The following DNER variants were observed in gnomAD, a reference collection of about 807,000 sequenced individuals.
DNER encodes the protein delta/notch like EGF repeat containing.
In DNER, 33 loss-of-function variants were observed where a neutral mutation model predicts 78.2. The ratio of observed to expected loss-of-function variants is 0.42; its 90% CI spans 0.32 to 0.56. The LOEUF is 0.56. Ranked by LOEUF, DNER falls within the 20% of genes least tolerant of loss-of-function variation. The pLI is 0.11. For synonymous variants in DNER, 417 were observed against 384.8 expected (o/e 1.08, Z -0.98); for missense variants, 918 against 975.3 (o/e 0.94, Z 0.78).
At chr2:229,509,253 C>T (rs983258980) in intron 6 of DNER, among the ~76,000 whole-genome samples, 2 of 152,140 alleles carry the variant, frequency 1.3e-5, no homozygotes, top group African/African-American at 4.8e-5. Context: ...CCAAATATAT[C>T]GAAAACCTCC....
intron 10 of DNER, among the ~76,000 whole-genome samples, chr2:229,394,523 G>A (rs1008560537): frequency 1.3e-5 from 2 of 152,234 alleles, no homozygotes; most frequent in African/African-American, 4.8e-5. Context: ...ATGGGTAAAG[G>A]GAATGAAGCG....
At chr2:229,613,632 C>CA (rs142768345) in intron 1 of DNER, among the ~76,000 whole-genome samples, 4,212 of 146,148 alleles carry the variant, frequency 0.029, 79 homozygotes, top group Non-Finnish European at 0.049. Context: ...TCTACATTTC[C>CA]AAAAAAAAAG....
chr2:229,526,459 A>G (rs1402824306), intron 5 of DNER, among the ~76,000 whole-genome samples: 1 of 152,208 alleles, frequency 6.6e-6, no homozygotes, highest in African/African-American at 2.4e-5. Context: ...CTAGAGCAGC[A>G]GTCCCCAACC....
chr2:229,457,041 C>T (rs1044411548), intron 7 of DNER, among the ~76,000 whole-genome samples: 1 of 151,982 alleles, frequency 6.6e-6, no homozygotes, highest in Non-Finnish European at 1.5e-5. Flanking sequence ...AAAATAAACT[C>T]GTCAAACAGA....
chr2:229,593,697 T>C (rs975206362), intron 1 of DNER, among the ~76,000 whole-genome samples: 10 of 152,372 alleles, frequency 6.6e-5, no homozygotes, highest in African/African-American at 2.4e-4. Context: ...AGTTGTTATC[T>C]TGTTTCTGAT....
chr2:229,363,687 A>C (rs1474864180), intron 12 of DNER, among the ~76,000 whole-genome samples: 1 of 152,208 alleles, frequency 6.6e-6, no homozygotes, highest in Non-Finnish European at 1.5e-5. Context: ...AAATGCTTTC[A>C]AGTTTATTCT....
At chr2:229,597,457 G>A (rs1697743551) in intron 1 of DNER, among the ~76,000 whole-genome samples, 1 of 152,178 alleles carries the variant, frequency 6.6e-6, no homozygotes, top group Non-Finnish European at 1.5e-5. Context: ...AAAAGGTCCT[G>A]TTGCAGAGGT....
rs146547943 is a variant in DNER, at chr2:229,698,578, G to A, written c.276+15570C>T. ...TGATTTTTAAAAAGGTGTCAGCATC[G>A]GTTTTTGGCATCACGCTGTTAAGTT... On this transcript the variant is annotated intron_variant, in intron 1 of 12. Coordinates refer to ENST00000341772, the MANE Select transcript of DNER (RefSeq NM_139072.4). Among the ~76,000 whole-genome samples the A allele has an allele frequency of 6.5e-3, 985 of 152,192 alleles. 7 individuals carry two copies. Among genetic ancestry groups the A allele is most frequent in the Middle Eastern group, 0.041 (12 of 294 alleles).
At chr2:229,509,682 TG>T (rs2154212225) in intron 6 of DNER, among the ~76,000 whole-genome samples, 3 of 152,182 alleles carry the variant, frequency 2.0e-5, no homozygotes, top group Non-Finnish European at 2.9e-5. Context: ...GGCATGGTAG[TG>T]GGTGCCTGTA....
At chr2:229,576,209 A>T (rs1697297563) in intron 4 of DNER, among the ~76,000 whole-genome samples, 1 of 152,008 alleles carries the variant, frequency 6.6e-6, no homozygotes, top group Non-Finnish European at 1.5e-5. Context: ...GATGTTAATG[A>T]TTCTATAGAT....
intron 9 of DNER, among the ~76,000 whole-genome samples, chr2:229,409,360 G>C (rs1161936587): frequency 6.6e-6 from 1 of 152,178 alleles, no homozygotes; most frequent in East Asian, 1.9e-4. Context: ...AAAGTTCAGA[G>C]GTGCCTGAAG....
intron 1 of DNER, among the ~76,000 whole-genome samples, chr2:229,594,924 G>A (rs1697678981): frequency 1.5e-5 from 2 of 132,380 alleles, no homozygotes; most frequent in African/African-American, 2.8e-5. Context: ...GACAAGAACT[G>A]TACCAGGTCT....
At position 229,682,306 on chromosome 2, in the gene DNER, A is replaced by G. The variant is rs569265413; in HGVS notation, c.276+31842T>C. 1.1e-4 allele frequency among the ~76,000 whole-genome samples: 16 copies of G among 152,332 alleles called. No individual in the cohort carries two copies. The South Asian group carries it at 3.3e-3, about 32-fold the overall frequency. On this transcript the variant is annotated intron_variant, in intron 1 of 12. Transcript: ENST00000341772. ...ATGTTTTAATTAAAATTTGATGAATATGTATTCAGCTCCTAAGAACTTCAG... is the reference window on the plus strand; with the variant it reads ...ATGTTTTAATTAAAATTTGATGAATGTGTATTCAGCTCCTAAGAACTTCAG...
intron 11 of DNER, among the ~76,000 whole-genome samples, chr2:229,382,319 C>A (rs1298109625): frequency 6.6e-6 from 1 of 152,074 alleles, no homozygotes; most frequent in African/African-American, 2.4e-5. Context: ...AAAACCAGCA[C>A]AAAAAGGCTA....
intron 10 of DNER, among the ~76,000 whole-genome samples, chr2:229,402,014 C>T (rs1282128157): frequency 6.6e-6 from 1 of 152,110 alleles, no homozygotes; most frequent in Non-Finnish European, 1.5e-5. Context: ...TAACTCAAAA[C>T]AGACTCTACA....
chr2:229,398,907 A>G (rs540471021), intron 10 of DNER, among the ~76,000 whole-genome samples: 16 of 152,054 alleles, frequency 1.1e-4, no homozygotes, highest in Non-Finnish European at 2.2e-4. Context: ...CAAACTAGGA[A>G]TAGAGAGGAA....
chr2:229,423,478 G>A (rs1179146334), intron 8 of DNER, among the ~76,000 whole-genome samples: 1 of 151,926 alleles, frequency 6.6e-6, no homozygotes, highest in Non-Finnish European at 1.5e-5. Flanking sequence ...AGCCAGGCGT[G>A]GTGGTGGGCG....
chr2:229,441,936 GCAT>G (rs1559352780), intron 8 of DNER, among the ~76,000 whole-genome samples: 1 of 152,110 alleles, frequency 6.6e-6, no homozygotes, highest in African/African-American at 2.4e-5. Flanking sequence ...TCAGTTCTCA[GCAT>G]CATCATGATG....
intron 4 of DNER, among the ~76,000 whole-genome samples, chr2:229,584,747 G>A (rs1419340874): frequency 6.6e-6 from 1 of 152,066 alleles, no homozygotes; most frequent in Non-Finnish European, 1.5e-5. Context: ...TGGCCAACAT[G>A]GTGAAACCCC....
Sources: allele counts gnomAD v4.1 joint callset (sites outside exome capture counted in the v4.1 genomes callset), GRCh38; gene constraint gnomAD v4.1.1; transcripts MANE v1.5; gene names NCBI Gene and HGNC (gene_info 2026-07-23, HGNC 2026-07-21).